Variants in MOV10L1 observed in about 807,000 individuals in gnomAD.
MOV10L1 encodes the protein RNA helicase Mov10l1.
Under a neutral mutation model 143.8 loss-of-function variants are expected in MOV10L1, and 110 were observed. The ratio of observed to expected loss-of-function variants is 0.76; its 90% CI spans 0.66 to 0.90. The LOEUF (loss-of-function observed/expected upper bound fraction) is 0.90. MOV10L1 is among the 40% of genes least tolerant of loss of function. MOV10L1 has a pLI of 0.00. For missense variants in MOV10L1, 1,406 were observed against 1,526.8 expected (o/e 0.92, Z 1.32); for synonymous variants, 593 against 581.1 (o/e 1.02, Z -0.29).
chr22:50,155,740 C>T (rs2063410330), intron 22 of MOV10L1, among the ~76,000 whole-genome samples: 1 of 152,168 alleles, frequency 6.6e-6, no homozygotes, highest in South Asian at 2.1e-4. Flanking sequence ...TCCCAAAGTA[C>T]TGGGATTACA....
intron 3 of MOV10L1, among the ~76,000 whole-genome samples, chr22:50,102,115 T>C (rs1407888896): frequency 6.6e-6 from 1 of 152,168 alleles, no homozygotes; most frequent in Non-Finnish European, 1.5e-5. Context: ...TTTCCCAGTA[T>C]AAAAAACCTC....
chr22:50,111,422 A>G (rs772658358), intron 5 of MOV10L1, among the ~76,000 whole-genome samples: 1 of 148,690 alleles, frequency 6.7e-6, no homozygotes, highest in Non-Finnish European at 1.5e-5. Flanking sequence ...AGCTTCTTTC[A>G]TGACAGCTTC....
chr22:50,099,610 C>T lies in MOV10L1; in HGVS notation c.442+8C>T. 1.3e-6 allele frequency: 2 copies of T among 1,599,592 alleles called. No homozygotes were observed. The highest frequency in any genetic ancestry group is 2.2e-5 in the East Asian group (1 of 44,450). On this transcript the variant is annotated splice_region_variant and intron_variant, in intron 3 of 26. Transcript: ENST00000262794. ...TGGAGAGTGTGTGCGAAGGTATGCT[C>T]AGGGGTCTGTGTTCCACATTGAAAA...
rs2063039383 is a variant in MOV10L1 at position 50,143,200 on chromosome 22, A to G, written c.2337A>G (p.Thr779=). 6.2e-7 allele frequency: 1 copy of G among 1,614,162 alleles called. No individual in the cohort carries two copies. The highest frequency in any genetic ancestry group is 2.2e-5 in the East Asian group (1 of 44,880). The change falls in exon 17 of 27, where the codon ACA becomes ACG. Residue 779 remains threonine, a synonymous_variant. Coordinates refer to ENST00000262794, the MANE Select transcript of MOV10L1 (RefSeq NM_018995.3). The stretch of plus-strand genomic sequence containing the variant: ...CTCCTGGTACTGGAAAGACAGTGAC[A>G]ATAATAGAGGCTGTTTTACAGGTAA... ...FGPPGTGKTV[T]IIEAVLQVHF... is the part of the protein sequence containing the mutation.
chr22:50,153,026 C>T lies in MOV10L1; in HGVS notation c.2893-19C>T, dbSNP rs56038025. On this transcript the variant is annotated intron_variant, in intron 21 of 26. Coordinates refer to ENST00000262794, the MANE Select transcript of MOV10L1 (RefSeq NM_018995.3). ...CGGGTACCACCTTCCCCTTGTGACCCATCACCATCTCCTCGCAGGTCACAA... is the reference window on the plus strand; with the variant it reads ...CGGGTACCACCTTCCCCTTGTGACCTATCACCATCTCCTCGCAGGTCACAA... The T allele has an allele frequency of 0.013, 20,326 of 1,582,954 alleles. 167 individuals carry two copies. Among genetic ancestry groups the T allele is most frequent in the Non-Finnish European group, 0.015 (17,046 of 1,157,872 alleles).
intron 22 of MOV10L1, among the ~76,000 whole-genome samples, chr22:50,155,264 T>G (rs1259756376): frequency 1.2e-4 from 6 of 50,432 alleles, no homozygotes; most frequent in East Asian, 5.5e-4. Context: ...GTTTTGTGGG[T>G]TTTTTTTTTT....
Position 50,133,931 on chromosome 22 carries a change from AT to A in MOV10L1, c.1911-72del, listed in dbSNP as rs1293358568. On this transcript the variant is annotated intron_variant, in intron 13 of 26. Transcript: ENST00000262794. The stretch of plus-strand genomic sequence containing the variant: ...ATTGACTTAAAGATTGTATCATAAA[AT>A]TTTCATTACCTTATGCCAGCCTTAA... The A allele has an allele frequency of 3.2e-6, 4 of 1,243,400 alleles. No homozygotes were observed. The Admixed American group carries it at 6.9e-5, about 21-fold the overall frequency. 77.0% of individuals were successfully genotyped at this position (1,243,400 alleles called of 1,614,324 possible).
intron 3 of MOV10L1, among the ~76,000 whole-genome samples, chr22:50,105,562 T>C (rs2061846483): frequency 6.6e-6 from 1 of 152,260 alleles, no homozygotes. Flanking sequence ...TTATTTTCAA[T>C]AACTACAATT....
chr22:50,134,737 G>T (rs184011991), intron 15 of MOV10L1, 107 bp downstream of exon 15: 1 of 931,428 alleles, frequency 1.1e-6, no homozygotes, highest in Admixed American at 1.9e-5. Context: ...CACAGGGGAT[G>T]GCTCAGCGAT....
chr22:50,119,151 CA>C lies in MOV10L1; in HGVS notation c.1455-1349del, dbSNP rs549369925. On this transcript the variant is annotated intron_variant, in intron 9 of 26. Transcript: ENST00000262794. ...AGTGAAATACACAGAGCAACAGCCACAAGGATTTTAACCCCCTGGTCAGTTA... is the reference window on the plus strand; with the variant it reads ...AGTGAAATACACAGAGCAACAGCCACAGGATTTTAACCCCCTGGTCAGTTA... Among the ~76,000 whole-genome samples the C allele has an allele frequency of 2.5e-4, 38 of 151,354 alleles. No homozygotes were observed. In the South Asian group the frequency reaches 7.5e-3, roughly 30 times the overall value.
chr22:50,126,997 A>C (rs1050691673), intron 12 of MOV10L1, among the ~76,000 whole-genome samples: 2 of 152,184 alleles, frequency 1.3e-5, no homozygotes, highest in African/African-American at 4.8e-5. Context: ...GATATTTCCC[A>C]GAAGACAACA....
At chr22:50,107,313 C>T (rs1200735619) in intron 3 of MOV10L1, among the ~76,000 whole-genome samples, 2 of 152,010 alleles carry the variant, frequency 1.3e-5, no homozygotes, top group Non-Finnish European at 2.9e-5. Context: ...CCACCCGCCT[C>T]GGCCTCCCAA....
chr22:50,130,966 G>A (rs958372228), intron 13 of MOV10L1, among the ~76,000 whole-genome samples: 3 of 151,988 alleles, frequency 2.0e-5, no homozygotes, highest in African/African-American at 7.3e-5. Flanking sequence ...GCACGATCTC[G>A]GCTCACTGCA....
intron 10 of MOV10L1, among the ~76,000 whole-genome samples, chr22:50,123,824 C>G (rs2062420173): frequency 1.3e-5 from 2 of 152,188 alleles, no homozygotes; most frequent in Admixed American, 6.5e-5. Context: ...CTGCTTTAAC[C>G]TCCTTAGTAG....
chr22:50,139,954 G>T (rs2062933562), intron 15 of MOV10L1, among the ~76,000 whole-genome samples: 1 of 152,142 alleles, frequency 6.6e-6, no homozygotes, highest in African/African-American at 2.4e-5. Flanking sequence ...TAAGAAGCTG[G>T]ACGCGCACCT....
In MOV10L1 at chr22:50,090,069, G is replaced by GTGACGGCGA; in HGVS notation, c.-20_-19insTGACGGCGA. The stretch of plus-strand genomic sequence containing the variant: ...GGCGGCGGCAGCGGCGGTGACGGCA[G>GTGACGGCGA]CCTAGGCCGGGCGAGGGCCATGCTG... On this transcript the variant is annotated 5_prime_UTR_variant, in exon 1 of 27. Transcript: ENST00000262794. The GTGACGGCGA allele has an allele frequency of 7.9e-7, 1 of 1,260,324 alleles. No individual in the cohort carries two copies. The highest frequency in any genetic ancestry group is 1.0e-6 in the Non-Finnish European group (1 of 1,000,198). 78.1% of individuals were successfully genotyped at this position (1,260,324 alleles called of 1,614,324 possible).
At chr22:50,099,399 G>A (rs1168260966) in intron 2 of MOV10L1, 44 bp from the exon 3 acceptor site, 1 of 1,588,632 alleles carries the variant, frequency 6.3e-7, no homozygotes, top group African/African-American at 1.3e-5. Context: ...TGCTTTTCTT[G>A]TAGTTCTCGT....
intron 16 of MOV10L1, among the ~76,000 whole-genome samples, chr22:50,142,612 T>G (rs944565156): frequency 5.3e-5 from 8 of 151,876 alleles, no homozygotes; most frequent in Non-Finnish European, 1.0e-4. Flanking sequence ...GCAGATCATA[T>G]GAGCTCAGGA....
intron 2 of MOV10L1, among the ~76,000 whole-genome samples, chr22:50,092,541 G>A (rs111232810): frequency 3.3e-5 from 5 of 152,154 alleles, no homozygotes; most frequent in Admixed American, 6.5e-5. Context: ...GGGAGGCTGA[G>A]GCGGGAGGAT....
Sources: allele counts gnomAD v4.1 joint callset (sites outside exome capture counted in the v4.1 genomes callset), GRCh38; gene constraint gnomAD v4.1.1; transcripts MANE v1.5; gene names NCBI Gene and HGNC (gene_info 2026-07-23, HGNC 2026-07-21).